Variants in PHACTR2 observed in about 807,000 individuals in gnomAD.
The protein encoded by PHACTR2 is chromosome 6 open reading frame 56.
PHACTR2 carries 30 observed loss-of-function variants against 76.0 expected under a neutral mutation model. That is an observed-to-expected ratio of 0.39 (90% confidence interval 0.30 to 0.54). PHACTR2 has a LOEUF of 0.54. Among genes scored for constraint, PHACTR2 ranks in the 20% least tolerant of loss-of-function variants. PHACTR2 has a pLI of 0.61. For synonymous variants in PHACTR2, 292 were observed against 292.5 expected, an observed-to-expected ratio of 1.00 and a Z score of 0.02; for missense variants, 696 against 781.1, an observed-to-expected ratio of 0.89 and a Z score of 1.30.
intron 1 of PHACTR2, among the ~76,000 whole-genome samples, chr6:143,694,741 G>A (rs139136889): frequency 4.6e-5 from 7 of 152,300 alleles, no homozygotes; most frequent in Non-Finnish European, 7.4e-5. Context: ...GCCAGAAAAC[G>A]CAGAGCCCCA....
chr6:143,678,011 G>C lies in PHACTR2; in HGVS notation c.-153G>C, dbSNP rs1348024251. ...GCGCCGGCTGCGGCCGGCCGGGCTG[G>C]GAGACCCGCGCGGGGTAGAAGGTGA... On this transcript the variant is annotated 5_prime_UTR_variant, in exon 1 of 13. Coordinates refer to ENST00000440869, the MANE Select transcript of PHACTR2 (RefSeq NM_001100164.2). The surrounding 1 kb of genome is among the most constrained non-coding windows in gnomAD (Gnocchi z 6.2). 1.4e-6 allele frequency: 2 copies of C among 1,474,294 alleles called. No homozygotes were observed. Among genetic ancestry groups the C allele is most frequent in the African/African-American group, 3.0e-5 (2 of 67,636 alleles). The allele number at this position is 1,474,294 out of a possible 1,614,324, so 91.3% of individuals were successfully genotyped here.
rs1421850179 is a variant in PHACTR2, at chr6:143,748,842, C to G, written c.215-143C>G. 17 of 493,182 alleles carry G rather than the reference C, an allele frequency of 3.4e-5. No homozygotes were observed. In the East Asian group the frequency reaches 5.5e-4, roughly 16 times the overall value. 30.6% of individuals were successfully genotyped at this position (493,182 alleles called of 1,614,324 possible). ...ATAGCTGTGTTGATTCCACTCAGAT[C>G]ATGTGTTTTTTTTAAGCAACTAAGA... On this transcript the variant is annotated intron_variant, in intron 2 of 12. Transcript: ENST00000440869.
rs2128487612 is a variant in PHACTR2, at chr6:143,823,189, G to T, written c.1923-485G>T. 6.6e-6 allele frequency among the ~76,000 whole-genome samples: 1 copy of T among 152,362 alleles called. No individual in the cohort carries two copies. Among genetic ancestry groups the T allele is most frequent in the South Asian group, 2.1e-4 (1 of 4,830 alleles). ...TGGAACATCTGGGGGGAAGCGCCCT[G>T]TGGGCTTTTGGAAATTCAAGTGTAG... is the stretch of plus-strand genomic sequence containing the variant. On this transcript the variant is annotated intron_variant, in intron 12 of 12. Coordinates refer to ENST00000440869, the MANE Select transcript of PHACTR2 (RefSeq NM_001100164.2). This position sits in a 1 kb window ranked among gnomAD's most constrained non-coding sequence, Gnocchi z 5.7.
At chr6:143,686,758 T>C (rs763592303) in intron 1 of PHACTR2, among the ~76,000 whole-genome samples, 16 of 152,150 alleles carry the variant, frequency 1.1e-4, no homozygotes, top group Non-Finnish European at 2.1e-4. Flanking sequence ...GTGCTGGGAT[T>C]ACAGGTGTGA....
At chr6:143,565,536 C>T (rs2128430635) in intron 1 of PHACTR2, among the ~76,000 whole-genome samples, 1 of 146,550 alleles carries the variant, frequency 6.8e-6, no homozygotes, top group African/African-American at 2.5e-5. Context: ...ACCCGGGAGG[C>T]GGAGCTTGCA....
chr6:143,684,398 CT>C lies in PHACTR2; in HGVS notation c.46+6195del, dbSNP rs1777466894. 6.6e-6 allele frequency among the ~76,000 whole-genome samples: 1 copy of C among 152,140 alleles called. No homozygotes were observed. Among genetic ancestry groups the C allele is most frequent in the Non-Finnish European group, 1.5e-5 (1 of 68,018 alleles). On this transcript the variant is annotated intron_variant, in intron 1 of 12. Transcript: ENST00000440869. The surrounding 1 kb of genome is among the most constrained non-coding windows in gnomAD (Gnocchi z 4.3). ...CATGGATCCATCAGCAGGTCTTGTT[CT>C]TTTTTCTTCCCAAATATATCTCAAG...
intron 9 of PHACTR2, among the ~76,000 whole-genome samples, chr6:143,778,578 A>G (rs1336182098): frequency 6.6e-6 from 1 of 152,162 alleles, no homozygotes. Flanking sequence ...CGGCTAGAAA[A>G]GAAGGAAAAT....
rs543932819 is a variant in PHACTR2 at position 143,581,723 on chromosome 6, C to G, written c.217+44516C>G. Among the ~76,000 whole-genome samples, 3 of 152,112 alleles carry G rather than the reference C, an allele frequency of 2.0e-5. No homozygotes were observed. The East Asian group carries it at 5.8e-4, about 29-fold the overall frequency. The stretch of plus-strand genomic sequence containing the variant: ...GTGGGTGCCTGTAATCCCAGCTAGT[C>G]AGGAGGGTGAGGCAGGAGGATCACC... On this transcript the variant is annotated intron_variant, in intron 1 of 11. Coordinates refer to the PHACTR2 transcript ENST00000367584. The surrounding 1 kb of genome is among the most constrained non-coding windows in gnomAD (Gnocchi z 4.5).
Position 143,553,183 on chromosome 6 carries a change from T to C in PHACTR2, c.217+15976T>C, listed in dbSNP as rs1775116982. 6.6e-6 allele frequency among the ~76,000 whole-genome samples: 1 copy of C among 152,118 alleles called. No homozygotes were observed. The highest frequency in any genetic ancestry group is 1.5e-5 in the Non-Finnish European group (1 of 68,016). On this transcript the variant is annotated intron_variant, in intron 1 of 11. Transcript: ENST00000367584. The surrounding 1 kb of genome is among the most constrained non-coding windows in gnomAD (Gnocchi z 4.2). Reference sequence around the variant, plus strand: ...TTATGTGCCAGTGAGAAAACAAAAATCCAGCTCATAGAGACTGCAGTATAG... The same window carrying C: ...TTATGTGCCAGTGAGAAAACAAAAACCCAGCTCATAGAGACTGCAGTATAG...
intron 2 of PHACTR2, among the ~76,000 whole-genome samples, chr6:143,721,020 T>C (rs528923281): frequency 3.3e-5 from 5 of 152,318 alleles, no homozygotes; most frequent in Admixed American, 1.3e-4. Flanking sequence ...CTCTATAATA[T>C]AAGCATTTTG....
intron 1 of PHACTR2, among the ~76,000 whole-genome samples, chr6:143,711,524 A>T (rs1778176555): frequency 6.6e-6 from 1 of 152,248 alleles, no homozygotes; most frequent in South Asian, 2.1e-4. Flanking sequence ...GAAGCAAAAG[A>T]TAGTTTTAGC....
intron 2 of PHACTR2, among the ~76,000 whole-genome samples, chr6:143,735,458 A>G (rs1269136984): frequency 1.9e-4 from 29 of 152,218 alleles, no homozygotes; most frequent in Non-Finnish European, 2.9e-5. Flanking sequence ...TCCATAATGT[A>G]AATTTACCAT....
rs1171690772 is a variant in PHACTR2, at chr6:143,680,311, C to G, written c.46+2102C>G. Among the ~76,000 whole-genome samples, 1 of 152,110 alleles carries G rather than the reference C, an allele frequency of 6.6e-6. No homozygotes were observed. The highest frequency in any genetic ancestry group is 1.5e-5 in the Non-Finnish European group (1 of 68,002). On this transcript the variant is annotated intron_variant, in intron 1 of 12. Coordinates refer to ENST00000440869, the MANE Select transcript of PHACTR2 (RefSeq NM_001100164.2). This position sits in a 1 kb window ranked among gnomAD's most constrained non-coding sequence, Gnocchi z 4.5. ...TACAGATGGCGTGAAGATCCTTGTT[C>G]TGTTTGATCTTAGCCATTGACTAGT...
At position 143,554,148 on chromosome 6, in the gene PHACTR2, C is replaced by T. The variant is rs1017669421; in HGVS notation, c.217+16941C>T. Reference sequence around the variant, plus strand: ...ACTATTTCATTCATATCAATATCAACTTAGGAGTGAATCCACAGTATGCAG... The same window carrying T: ...ACTATTTCATTCATATCAATATCAATTTAGGAGTGAATCCACAGTATGCAG... On this transcript the variant is annotated intron_variant, in intron 1 of 11. Transcript: ENST00000367584. The surrounding 1 kb of genome is among the most constrained non-coding windows in gnomAD (Gnocchi z 5.9). Among the ~76,000 whole-genome samples the T allele has an allele frequency of 3.3e-5, 5 of 152,140 alleles. No individual in the cohort carries two copies. Among genetic ancestry groups the T allele is most frequent in the African/African-American group, 4.8e-5 (2 of 41,408 alleles).
In PHACTR2 at chr6:143,583,434, A is replaced by G. The variant is rs1475485171; in HGVS notation, c.217+46227A>G. Among the ~76,000 whole-genome samples, 1 of 152,246 alleles carries G rather than the reference A, an allele frequency of 6.6e-6. No homozygotes were observed. The highest frequency in any genetic ancestry group is 1.9e-4 in the East Asian group (1 of 5,204). ...TTTATCCTCTCTCAAAGTTTATCCT[A>G]AAGTTGCTGAGTGACACAATGATAT... On this transcript the variant is annotated intron_variant, in intron 1 of 11. Coordinates refer to the PHACTR2 transcript ENST00000367584. This position sits in a 1 kb window ranked among gnomAD's most constrained non-coding sequence, Gnocchi z 4.0.
At position 143,807,340 on chromosome 6, in the gene PHACTR2, A is replaced by G. The variant is rs1776087391; in HGVS notation, c.1922+207A>G. ...ACATTCATCCTTGTTGGCTTTTAAGAACCTAATAGTCAATGTGACAGTTTT... is the reference window on the plus strand; with the variant it reads ...ACATTCATCCTTGTTGGCTTTTAAGGACCTAATAGTCAATGTGACAGTTTT... On this transcript the variant is annotated intron_variant, in intron 12 of 12. Coordinates refer to ENST00000440869, the MANE Select transcript of PHACTR2 (RefSeq NM_001100164.2). This position sits in a 1 kb window ranked among gnomAD's most constrained non-coding sequence, Gnocchi z 5.5. Among the ~76,000 whole-genome samples the G allele has an allele frequency of 6.6e-6, 1 of 152,248 alleles. No homozygotes were observed. The highest frequency in any genetic ancestry group is 2.4e-5 in the African/African-American group (1 of 41,468).
intron 1 of PHACTR2, among the ~76,000 whole-genome samples, chr6:143,629,874 C>A (rs763053047): frequency 2.6e-5 from 4 of 152,130 alleles, no homozygotes; most frequent in Non-Finnish European, 5.9e-5. Context: ...GTGTGTTATT[C>A]ATTGCTGGGA....
rs148299920 is a variant in PHACTR2, at chr6:143,818,448, A to C, written c.1923-5226A>C. Among the ~76,000 whole-genome samples, 1 of 152,232 alleles carries C rather than the reference A, an allele frequency of 6.6e-6. No homozygotes were observed. Among genetic ancestry groups the C allele is most frequent in the Non-Finnish European group, 1.5e-5 (1 of 68,040 alleles). On this transcript the variant is annotated intron_variant, in intron 12 of 12. Coordinates refer to ENST00000440869, the MANE Select transcript of PHACTR2 (RefSeq NM_001100164.2). The surrounding 1 kb of genome is among the most constrained non-coding windows in gnomAD (Gnocchi z 4.9). ...CATCGTAAGATTGTTTTGGGGATTA[A>C]ATGAGGAAATAGATGCATAGCACTT... is the stretch of plus-strand genomic sequence containing the variant.
In PHACTR2 at chr6:143,749,015, G is replaced by C. The variant is rs755193603; in HGVS notation, c.245G>C (p.Ser82Thr). Residue 82 changes from serine to threonine, a missense_variant, in exon 3 of 13, where the codon AGT becomes ACT. Physicochemically the swap from Ser to Thr is moderately conservative, Grantham distance 58. Coordinates refer to ENST00000440869, the MANE Select transcript of PHACTR2 (RefSeq NM_001100164.2). ...VLERKISTRQSREELIRRGVL... is the reference protein window; with the variant it reads ...VLERKISTRQTREELIRRGVL... ...GAAAGGAAGATATCCACACGACAAA[G>C]TAGAGAGGAGCTGATAAGAAGGGGA... 6.3e-7 allele frequency: 1 copy of C among 1,588,016 alleles called. No individual in the cohort carries two copies. Among genetic ancestry groups the C allele is most frequent in the South Asian group, 1.1e-5 (1 of 90,444 alleles).
Sources: allele counts gnomAD v4.1 joint callset (sites outside exome capture counted in the v4.1 genomes callset), GRCh38; gene constraint gnomAD v4.1.1; non-coding constraint Gnocchi (gnomAD v3.1); transcripts MANE v1.5; gene names NCBI Gene and HGNC (gene_info 2026-07-23, HGNC 2026-07-21).